YEATS2: variants seen among roughly 807,000 people sequenced by gnomAD.
The protein encoded by YEATS2 is YEATS domain-containing protein 2.
YEATS2 carries 77 observed loss-of-function variants against 163.2 expected under a neutral mutation model. That is an observed-to-expected ratio of 0.47 (90% confidence interval 0.39 to 0.57). The LOEUF is 0.57. Ranked by LOEUF, YEATS2 falls within the 20% of genes least tolerant of loss-of-function variation. YEATS2 has a pLI of 0.00. For missense variants in YEATS2, 1,549 were observed against 1,729.8 expected (o/e 0.90, Z 1.85); for synonymous variants, 631 against 645.1 (o/e 0.98, Z 0.33).
chr3:183,712,779 C>CGAGA (rs200778738), intron 1 of YEATS2, among the ~76,000 whole-genome samples: 6 of 115,088 alleles, frequency 5.2e-5, no homozygotes, highest in African/African-American at 1.5e-4. Flanking sequence ...TTTTTTTTTT[C>CGAGA]GAGAGAGTTT....
At position 183,789,525 on chromosome 3, in the gene YEATS2, A is replaced by ATTTTTTTTTTTTTTTTTTTTTTTT. The variant is rs143473253; in HGVS notation, c.2914-1267_2914-1244dup. 7.5e-5 allele frequency among the ~76,000 whole-genome samples: 5 copies of ATTTTTTTTTTTTTTTTTTTTTTTT among 66,350 alleles called. 1 individual carries two copies. The highest frequency in any genetic ancestry group is 3.4e-4 in the African/African-American group (5 of 14,618). 43.5% of individuals were successfully genotyped at this position (66,350 alleles called of 152,430 possible). A position where few individuals can be genotyped will look rare whatever the true frequency, so the allele number is the denominator to read the frequency against. On this transcript the variant is annotated intron_variant, in intron 20 of 30. Coordinates refer to ENST00000305135, the MANE Select transcript of YEATS2 (RefSeq NM_018023.5). Reference sequence around the variant, plus strand: ...TTAGGTTTCAGATTCATTCGAGTTAATTTTTTTTTTTTTTTTTTTTTTTTT... The same window carrying ATTTTTTTTTTTTTTTTTTTTTTTT: ...TTAGGTTTCAGATTCATTCGAGTTAATTTTTTTTTTTTTTTTTTTTTTTTTTTTTTTTTTTTTTTTTTTTTTTTT...
chr3:183,795,773 A>G (rs1296079638), intron 21 of YEATS2, among the ~76,000 whole-genome samples: 2 of 152,058 alleles, frequency 1.3e-5, no homozygotes, highest in African/African-American at 2.4e-5. Context: ...GCATGCATAA[A>G]AATACGGGAA....
chr3:183,704,365 G>A (rs1224472652), intron 1 of YEATS2, among the ~76,000 whole-genome samples: 2 of 152,080 alleles, frequency 1.3e-5, no homozygotes, highest in Non-Finnish European at 2.9e-5. Context: ...TGCAGTGAAA[G>A]CTTGTTTGCC....
chr3:183,702,634 C>T (rs370787322), intron 1 of YEATS2, among the ~76,000 whole-genome samples: 15 of 151,814 alleles, frequency 9.9e-5, no homozygotes, highest in Admixed American at 3.9e-4. Flanking sequence ...GTCAGGAGTT[C>T]GAGACCAGAC....
Position 183,717,713 on chromosome 3 carries a change from A to G in YEATS2, c.163A>G (p.Lys55Glu). The stretch of plus-strand genomic sequence containing the variant: ...CAAAGAACAGTTTGCTCTTGAAATG[A>G]AGAATAAGGAACATGAAATTGAAGT... ...IIKEQFALEM[K>E]NKEHEIEVID... The change falls in exon 3 of 31, where the codon AAG (lysine) becomes GAG (glutamate). Residue 55 changes from lysine (K) to glutamate (E), a missense_variant. Lys to Glu is a moderately conservative substitution (Grantham distance 56). Transcript: ENST00000305135. 2 of 1,565,456 alleles carry G rather than the reference A, an allele frequency of 1.3e-6. No individual in the cohort carries two copies. Among genetic ancestry groups the G allele is most frequent in the South Asian group, 1.2e-5 (1 of 80,646 alleles).
At chr3:183,793,137 G>A (rs1717530077) in intron 21 of YEATS2, 5 of 1,288,608 alleles carry the variant, frequency 3.9e-6, no homozygotes, top group Non-Finnish European at 5.1e-6. Context: ...CCAGCATACG[G>A]CTGGCACTGG....
intron 15 of YEATS2, among the ~76,000 whole-genome samples, chr3:183,771,705 A>T: frequency 7.2e-6 from 1 of 139,280 alleles, no homozygotes. Flanking sequence ...GATGTGTGCC[A>T]CTGTACTGGC....
At chr3:183,738,391 CTTTTTTTTT>C (rs1173865612) in intron 8 of YEATS2, among the ~76,000 whole-genome samples, 1 of 74,046 alleles carries the variant, frequency 1.4e-5, no homozygotes, top group African/African-American at 4.5e-5. Flanking sequence ...AGGAAAAGTT[CTTTTTTTTT>C]TTTTTTTTTT....
At chr3:183,781,073 AATTTT>A (rs1338569876) in intron 19 of YEATS2, among the ~76,000 whole-genome samples, 6 of 152,218 alleles carry the variant, frequency 3.9e-5, no homozygotes, top group African/African-American at 1.4e-4. Context: ...TACAAATGAC[AATTTT>A]ATTAGGGTTC....
At chr3:183,744,023 C>T (rs914720992) in intron 8 of YEATS2, among the ~76,000 whole-genome samples, 1 of 150,842 alleles carries the variant, frequency 6.6e-6, no homozygotes, top group African/African-American at 2.4e-5. Context: ...AGCACTGGAA[C>T]CAAATAAAAG....
At chr3:183,712,194 T>TTTATGTTATTTTATGTTATG (rs1278134054) in intron 1 of YEATS2, among the ~76,000 whole-genome samples, 1 of 92,462 alleles carries the variant, frequency 1.1e-5, no homozygotes, top group African/African-American at 7.4e-5. Context: ...GTTCTTTTAT[T>TTTATGTTATTTTATGTTATG]TTATTTTATT....
intron 27 of YEATS2, among the ~76,000 whole-genome samples, chr3:183,805,552 G>C (rs148564372): frequency 6.6e-6 from 1 of 152,160 alleles, no homozygotes; most frequent in Non-Finnish European, 1.5e-5. Context: ...ACTTTGGGAG[G>C]CTGAGGCAGG....
chr3:183,764,658 T>A (rs1471492534), intron 15 of YEATS2, among the ~76,000 whole-genome samples: 1 of 151,558 alleles, frequency 6.6e-6, no homozygotes, highest in Non-Finnish European at 1.5e-5. Flanking sequence ...ATACAAAAAA[T>A]TATTTGGGCG....
chr3:183,756,464 G>T, intron 11 of YEATS2, 64 bp from the exon 12 acceptor site: 1 of 1,423,548 alleles, frequency 7.0e-7, no homozygotes, highest in Non-Finnish European at 9.3e-7. Flanking sequence ...CCTTGTCCTC[G>T]ACATCTTCTT....
In YEATS2 at chr3:183,790,786, T is replaced by A; in HGVS notation, c.2914-11T>A. ...CTGAACTGTGTTGTTTCGGACCCCA[T>A]GGGTGAGCAGTCTGAAGGAATGGCT... On this transcript the variant is annotated splice_polypyrimidine_tract_variant and intron_variant, in intron 20 of 30. Transcript: ENST00000305135. 1 of 1,611,854 alleles carries A rather than the reference T, an allele frequency of 6.2e-7. No individual in the cohort carries two copies. Among genetic ancestry groups the A allele is most frequent in the East Asian group, 2.2e-5 (1 of 44,816 alleles).
chr3:183,767,554 T>C (rs1722028872), intron 15 of YEATS2, among the ~76,000 whole-genome samples: 1 of 152,084 alleles, frequency 6.6e-6, no homozygotes, highest in Non-Finnish European at 1.5e-5. Flanking sequence ...CTAATTTTTT[T>C]GTATTTTTAG....
intron 10 of YEATS2, among the ~76,000 whole-genome samples, chr3:183,753,308 A>G (rs1197089450): frequency 3.3e-5 from 5 of 152,234 alleles, no homozygotes; most frequent in South Asian, 4.1e-4. Context: ...GTTCCCATAT[A>G]TAAGCATAAA....
At chr3:183,801,018 A>G in intron 24 of YEATS2, 1 of 170,542 alleles carries the variant, frequency 5.9e-6, no homozygotes. Flanking sequence ...CTAAATCAGG[A>G]AGCCACTTCT....
intron 29 of YEATS2, chr3:183,808,630 T>C (rs263027): frequency 0.47 from 78,956 of 167,912 alleles, 18,981 homozygotes; most frequent in East Asian, 0.65. Flanking sequence ...CCGAGGCGGG[T>C]GGATCATTTG....
Sources: gnomAD v4.1 joint callset for allele counts (sites outside exome capture counted in the v4.1 genomes callset) on GRCh38, gnomAD v4.1.1 for gene constraint, MANE v1.5 for transcripts, NCBI Gene and HGNC (gene_info 2026-07-23, HGNC 2026-07-21) for gene names.